The following RTL4 variants were observed in gnomAD, a reference collection of about 807,000 sequenced individuals.
RTL4 encodes the protein retrotransposon Gag-like protein 4.
Under a neutral mutation model 5.3 loss-of-function variants are expected in RTL4, and 4 were observed. The ratio of observed to expected loss-of-function variants is 0.75; its 90% confidence interval spans 0.37 to 1.72. The LOEUF is 1.72. RTL4 is among the 40% of genes most tolerant of loss of function. The pLI, the probability that RTL4 is intolerant of heterozygous loss-of-function variation, is 0.04. For synonymous variants in RTL4, 98 were observed against 87.3 expected, an observed-to-expected ratio of 1.12 and a Z score of -0.68; for missense variants, 260 against 227.1, an observed-to-expected ratio of 1.14 and a Z score of -0.93.
At chrX:112,239,837 G>A in the RTL4 span, among the ~76,000 whole-genome samples, 1 of 111,738 alleles carries the variant, frequency 8.9e-6, no homozygotes, top group Non-Finnish European at 1.9e-5. Context: ...AATTAAACAT[G>A]GTGATTGTCT....
chrX:112,175,561 G>A, the RTL4 span, among the ~76,000 whole-genome samples: 6 of 108,669 alleles, frequency 5.5e-5, no homozygotes, highest in Middle Eastern at 9.3e-3. Context: ...TTGGCAATGC[G>A]GGCTCTTTTT....
chrX:112,381,875 A>G, the RTL4 span: 9 of 1,207,092 alleles, frequency 7.5e-6, no homozygotes, highest in African/African-American at 1.6e-4. Flanking sequence ...CGAGCCAGAC[A>G]AGAGGCTATT....
the RTL4 span, among the ~76,000 whole-genome samples, chrX:112,432,700 T>A: frequency 1.0e-5 from 1 of 97,764 alleles, no homozygotes; most frequent in Non-Finnish European, 2.0e-5. Flanking sequence ...ACTCTGATGG[T>A]AGTTTCTTTT....
At chrX:112,365,343 T>A in the RTL4 span, among the ~76,000 whole-genome samples, 151 of 110,996 alleles carry the variant, frequency 1.4e-3, no homozygotes, top group African/African-American at 4.7e-3. Context: ...GGCCAGATCA[T>A]GAAGAGTCGT....
At chrX:112,323,427 A>G in the RTL4 span, among the ~76,000 whole-genome samples, 1 of 111,318 alleles carries the variant, frequency 9.0e-6, no homozygotes, top group Non-Finnish European at 1.9e-5. Flanking sequence ...TGTTTATGAT[A>G]TTTTAGCTTA....
At chrX:112,272,139 C>T in the RTL4 span, among the ~76,000 whole-genome samples, 3 of 111,679 alleles carry the variant, frequency 2.7e-5, no homozygotes, top group Non-Finnish European at 5.6e-5. Context: ...ATTTATCCTG[C>T]GTGCATAACT....
the RTL4 span, among the ~76,000 whole-genome samples, chrX:112,260,032 G>T: frequency 5.4e-5 from 6 of 111,584 alleles, no homozygotes; most frequent in Admixed American, 1.9e-4. Flanking sequence ...TGAGCATTTG[G>T]TCCTGACGAG....
the RTL4 span, among the ~76,000 whole-genome samples, chrX:112,310,390 A>AATATACG: frequency 1.7e-5 from 1 of 58,193 alleles, no homozygotes; most frequent in Non-Finnish European, 3.0e-5. Context: ...ATATATATAT[A>AATATACG]TATATATATA....
At chrX:112,324,624 A>T in the RTL4 span, among the ~76,000 whole-genome samples, 6 of 111,117 alleles carry the variant, frequency 5.4e-5, no homozygotes, top group Admixed American at 4.8e-4. Context: ...ACTCTTTTAG[A>T]TCCCTCTATG....
the RTL4 span, among the ~76,000 whole-genome samples, chrX:112,176,047 C>T: frequency 3.6e-5 from 4 of 110,641 alleles, no homozygotes; most frequent in Non-Finnish European, 7.6e-5. Flanking sequence ...GATACAAAAT[C>T]AATGTACAAA....
At chrX:112,253,144 G>A in the RTL4 span, among the ~76,000 whole-genome samples, 1 of 111,784 alleles carries the variant, frequency 8.9e-6, no homozygotes, top group South Asian at 3.7e-4. Flanking sequence ...GCAATGGTGA[G>A]TATGTCATCC....
the RTL4 span, among the ~76,000 whole-genome samples, chrX:112,423,522 CA>C: frequency 9.0e-6 from 1 of 111,083 alleles, no homozygotes; most frequent in Admixed American, 9.6e-5. Context: ...TCTGGGCTGT[CA>C]CCTGAAAATT....
At chrX:112,219,428 CT>C in the RTL4 span, among the ~76,000 whole-genome samples, 1 of 112,151 alleles carries the variant, frequency 8.9e-6, no homozygotes, top group African/African-American at 3.2e-5. Context: ...ATAAATATTT[CT>C]TCAAAGCAAC....
chrX:112,100,452 G>A, the RTL4 span, among the ~76,000 whole-genome samples: 15 of 112,077 alleles, frequency 1.3e-4, no homozygotes, highest in African/African-American at 3.6e-4. Flanking sequence ...ATGTATATAC[G>A]TGGAATGATG....
the RTL4 span, among the ~76,000 whole-genome samples, chrX:112,337,587 ATAT>A: frequency 1.8e-5 from 2 of 111,132 alleles, no homozygotes; most frequent in Non-Finnish European, 3.8e-5. Flanking sequence ...CTGGCAAAAA[ATAT>A]TTTTTTTTTC....
At chrX:112,083,112 C>G in the RTL4 span, among the ~76,000 whole-genome samples, 49 of 111,315 alleles carry the variant, frequency 4.4e-4, no homozygotes, top group Non-Finnish European at 7.4e-4. Flanking sequence ...CATCTCTCCC[C>G]CCTCGGTACG....
the RTL4 span, among the ~76,000 whole-genome samples, chrX:112,201,404 AAG>A: frequency 9.0e-6 from 1 of 111,553 alleles, no homozygotes; most frequent in Non-Finnish European, 1.9e-5. Context: ...TGTATATTGT[AAG>A]TGATGTACAT....
chrX:112,419,045 TATA>T, the RTL4 span, among the ~76,000 whole-genome samples: 2 of 101,667 alleles, frequency 2.0e-5, no homozygotes, highest in Admixed American at 2.2e-4. Flanking sequence ...TATATATATA[TATA>T]TATATATCTT....
the RTL4 span, among the ~76,000 whole-genome samples, chrX:112,175,985 G>T: frequency 9.1e-6 from 1 of 110,472 alleles, no homozygotes; most frequent in African/African-American, 3.3e-5. Context: ...AAACCCCATT[G>T]TCTCAGCCCA....
Sources: allele counts gnomAD v4.1 joint callset (sites outside exome capture counted in the v4.1 genomes callset), GRCh38; gene constraint gnomAD v4.1.1; transcripts MANE v1.5; gene names NCBI Gene and HGNC (gene_info 2026-07-23, HGNC 2026-07-21).